DGKH: variants seen among roughly 807,000 people sequenced by gnomAD.
DGKH encodes diacylglycerol kinase eta, also known as DAG kinase eta.
In DGKH, 90 loss-of-function variants were observed where a neutral mutation model predicts 159.3. The ratio of observed to expected loss-of-function variants is 0.57; its 90% confidence interval spans 0.48 to 0.67. The LOEUF is 0.67. DGKH is among the 30% of genes least tolerant of loss of function. The pLI, the probability that DGKH is intolerant of heterozygous loss-of-function variation, is 0.00. For missense variants in DGKH, 1,181 were observed against 1,506.1 expected (o/e 0.78, Z 3.57); for synonymous variants, 536 against 553.8 (o/e 0.97, Z 0.45).
intron 29 of DGKH, among the ~76,000 whole-genome samples, chr13:42,221,985 T>G (rs347386): frequency 0.63 from 95,488 of 152,008 alleles, 30,630 homozygotes; most frequent in East Asian, 0.88. Context: ...TTTTTTTTCT[T>G]TAGTAAACGA....
intron 29 of DGKH, among the ~76,000 whole-genome samples, chr13:42,228,504 A>T (rs538472929): frequency 6.6e-6 from 1 of 152,290 alleles, no homozygotes; most frequent in South Asian, 2.1e-4. Flanking sequence ...TCACTTTTAA[A>T]TTTAATATTT....
At chr13:42,153,152 T>C (rs1203164328) in intron 3 of DGKH, among the ~76,000 whole-genome samples, 1 of 152,226 alleles carries the variant, frequency 6.6e-6, no homozygotes, top group Non-Finnish European at 1.5e-5. Flanking sequence ...AAATTGCAAA[T>C]GTATACATTT....
At chr13:42,147,990 G>A (rs1955781470) in intron 3 of DGKH, among the ~76,000 whole-genome samples, 1 of 152,146 alleles carries the variant, frequency 6.6e-6, no homozygotes, top group African/African-American at 2.4e-5. Flanking sequence ...AGATGCAACT[G>A]TGCAGCAGCC....
intron 18 of DGKH, 91 bp downstream of exon 18, chr13:42,198,686 A>G (rs1454607807): frequency 5.5e-6 from 6 of 1,092,428 alleles, no homozygotes; most frequent in Non-Finnish European, 8.1e-6. Context: ...ATGTATTACA[A>G]TAAATATGGT....
chr13:42,092,331 A>G (rs1418149427), intron 1 of DGKH, among the ~76,000 whole-genome samples: 1 of 152,244 alleles, frequency 6.6e-6, no homozygotes, highest in Non-Finnish European at 1.5e-5. Context: ...AAGATATGGA[A>G]TCAACCGAAG....
intron 30 of DGKH, among the ~76,000 whole-genome samples, chr13:42,253,894 T>C (rs1412255223): frequency 6.6e-6 from 1 of 152,124 alleles, no homozygotes; most frequent in African/African-American, 2.4e-5. Context: ...TAAATACCCA[T>C]TGGATTTTGC....
At chr13:42,178,469 C>T (rs765669257) in intron 13 of DGKH, among the ~76,000 whole-genome samples, 1 of 151,602 alleles carries the variant, frequency 6.6e-6, no homozygotes, top group Non-Finnish European at 1.5e-5. Flanking sequence ...GTGTAAGAAG[C>T]GTTTAGAGTT....
intron 1 of DGKH, among the ~76,000 whole-genome samples, chr13:42,118,421 T>C (rs563482464): frequency 1.3e-5 from 2 of 152,342 alleles, no homozygotes; most frequent in African/African-American, 4.8e-5. Context: ...CTATGATGTG[T>C]TACCTAATGC....
At chr13:42,175,011 C>CAGATTT (rs1466497045) in intron 12 of DGKH, among the ~76,000 whole-genome samples, 11 of 152,318 alleles carry the variant, frequency 7.2e-5, no homozygotes, top group African/African-American at 2.6e-4. Context: ...GATTAAACCT[C>CAGATTT]AAAGCGGTGT....
chr13:42,176,883 G>A (rs1307294668), intron 12 of DGKH, among the ~76,000 whole-genome samples: 1 of 152,172 alleles, frequency 6.6e-6, no homozygotes, highest in African/African-American at 2.4e-5. Flanking sequence ...TAAATATTGT[G>A]CACATTTTTA....
chr13:42,206,052 A>G lies in DGKH; in HGVS notation c.2507A>G (p.Tyr836Cys). 1 of 1,409,500 alleles carries G rather than the reference A, an allele frequency of 7.1e-7. No homozygotes were observed. Among genetic ancestry groups the G allele is most frequent in the Non-Finnish European group, 9.3e-7 (1 of 1,075,512 alleles). The allele number at this position is 1,409,500 out of a possible 1,614,324, so 87.3% of individuals were successfully genotyped here. A position where few individuals can be genotyped will look rare whatever the true frequency, so the allele number is the denominator to read the frequency against. The change falls in exon 21 of 30, where the codon TAT becomes TGT. Residue 836 changes from tyrosine to cysteine, a missense_variant. Tyr to Cys is a radical substitution (Grantham distance 194). Coordinates refer to ENST00000337343, the MANE Select transcript of DGKH (RefSeq NM_178009.5). ...QRVQLECDGQYIPLPSLQGIA... is the reference protein window; with the variant it reads ...QRVQLECDGQCIPLPSLQGIA... ...TTTACCTTACAGTGTGATGGGCAGTATATTCCTCTTCCCAGCTTGCAAGGC... is the reference window on the plus strand; with the variant it reads ...TTTACCTTACAGTGTGATGGGCAGTGTATTCCTCTTCCCAGCTTGCAAGGC...
At chr13:42,183,288 TA>T (rs5803120) in intron 13 of DGKH, among the ~76,000 whole-genome samples, 111 of 144,554 alleles carry the variant, frequency 7.7e-4, no homozygotes, top group African/African-American at 1.2e-3. Context: ...GATCCCGTCT[TA>T]AAAAAAAAAA....
chr13:42,200,656 A>C (rs545995863), intron 20 of DGKH, among the ~76,000 whole-genome samples: 1 of 152,314 alleles, frequency 6.6e-6, no homozygotes, highest in African/African-American at 2.4e-5. Flanking sequence ...CAACAAAATA[A>C]ATAGAACATT....
At chr13:42,041,149 G>A (rs1183660330) in intron 1 of DGKH, among the ~76,000 whole-genome samples, 1 of 152,208 alleles carries the variant, frequency 6.6e-6, no homozygotes, top group Non-Finnish European at 1.5e-5. Context: ...GGAACCGCTG[G>A]CAAACCGCTG....
At chr13:42,188,004 G>T (rs1041853352) in intron 14 of DGKH, among the ~76,000 whole-genome samples, 2 of 152,194 alleles carry the variant, frequency 1.3e-5, no homozygotes, top group Non-Finnish European at 2.9e-5. Flanking sequence ...TCTTGGGCTT[G>T]CAAAGGAATT....
intron 30 of DGKH, among the ~76,000 whole-genome samples, chr13:42,254,575 G>T (rs1958643604): frequency 6.6e-6 from 1 of 151,404 alleles, no homozygotes; most frequent in African/African-American, 2.4e-5. Flanking sequence ...GGAGGTTACA[G>T]TGAGCCAAGA....
intron 5 of DGKH, among the ~76,000 whole-genome samples, chr13:42,159,025 TG>T (rs1401051508): frequency 1.3e-5 from 2 of 152,184 alleles, no homozygotes; most frequent in Non-Finnish European, 1.5e-5. Flanking sequence ...ATTTCTTTTC[TG>T]TTCCTCTAAG....
intron 2 of DGKH, 40 bp downstream of exon 2, chr13:42,127,613 T>C (rs143084777): frequency 2.2e-4 from 341 of 1,561,576 alleles, no homozygotes; most frequent in Middle Eastern, 1.4e-3. Flanking sequence ...ATTGAGGCTA[T>C]GGATGGATGT....
At chr13:42,071,984 C>T (rs1161827433) in intron 1 of DGKH, among the ~76,000 whole-genome samples, 3 of 152,166 alleles carry the variant, frequency 2.0e-5, no homozygotes, top group East Asian at 3.8e-4. Context: ...TTTTCCCTAT[C>T]GTAAAGACCC....
Sources: allele counts gnomAD v4.1 joint callset (sites outside exome capture counted in the v4.1 genomes callset), GRCh38; gene constraint gnomAD v4.1.1; transcripts MANE v1.5; gene names NCBI Gene and HGNC (gene_info 2026-07-23, HGNC 2026-07-21).